The following GULP1 variants were observed in gnomAD, a reference collection of about 807,000 sequenced individuals.
GULP1 encodes PTB domain-containing engulfment adapter protein 1.
In GULP1, 19 loss-of-function variants were observed where a neutral mutation model predicts 40.9. The observed-to-expected ratio is 0.46, with a 90% CI of 0.32 to 0.68. The LOEUF is 0.68. Ranked by LOEUF, GULP1 falls within the 30% of genes least tolerant of loss-of-function variation. GULP1 has a pLI of 0.03. For synonymous variants in GULP1, 119 were observed against 117.6 expected (o/e 1.01, Z -0.08); for missense variants, 312 against 362.2 (o/e 0.86, Z 1.12).
chr2:188,352,649 C>CACACACACACAT (rs374718200), intron 1 of GULP1, among the ~76,000 whole-genome samples: 86 of 146,200 alleles, frequency 5.9e-4, no homozygotes, highest in African/African-American at 1.1e-3. Flanking sequence ...CACACACACA[C>CACACACACACAT]GGTTCTGTTT....
chr2:188,486,814 G>A (rs2061903239), intron 4 of GULP1, among the ~76,000 whole-genome samples: 1 of 151,812 alleles, frequency 6.6e-6, no homozygotes, highest in Admixed American at 6.6e-5. Context: ...ATATTATCCT[G>A]TGTACTCTGT....
chr2:188,415,777 C>G (rs1241790617), intron 2 of GULP1, among the ~76,000 whole-genome samples: 1 of 152,120 alleles, frequency 6.6e-6, no homozygotes, highest in Non-Finnish European at 1.5e-5. Flanking sequence ...AGTCCTGAAA[C>G]TGAGTGTTAG....
chr2:188,438,380 C>T (rs4494698), intron 2 of GULP1, among the ~76,000 whole-genome samples: 138,085 of 150,718 alleles, frequency 0.92, 63,379 homozygotes, highest in East Asian at 1. Flanking sequence ...ACATGTATAG[C>T]ATATATTATG....
At chr2:188,401,488 A>G (rs1201163539) in intron 2 of GULP1, among the ~76,000 whole-genome samples, 3 of 152,146 alleles carry the variant, frequency 2.0e-5, no homozygotes, top group Admixed American at 6.5e-5. Flanking sequence ...CAATTTTTAT[A>G]AGTTGTTAGC....
chr2:188,321,465 G>A (rs2039970664), intron 1 of GULP1, among the ~76,000 whole-genome samples: 1 of 152,068 alleles, frequency 6.6e-6, no homozygotes, highest in Admixed American at 6.6e-5. Flanking sequence ...CTGGGATTGA[G>A]TAGAAAACTA....
intron 7 of GULP1, among the ~76,000 whole-genome samples, chr2:188,544,067 C>A (rs995787950): frequency 5.3e-5 from 8 of 152,184 alleles, no homozygotes; most frequent in African/African-American, 1.9e-4. Flanking sequence ...TGCTGAGCTT[C>A]TATACTTACC....
At chr2:188,496,207 T>C (rs945593992) in intron 4 of GULP1, among the ~76,000 whole-genome samples, 4 of 152,022 alleles carry the variant, frequency 2.6e-5, no homozygotes, top group Non-Finnish European at 4.4e-5. Flanking sequence ...AAGTAAGCAA[T>C]GAAAGGGCTT....
At chr2:188,318,506 G>A (rs2039475095) in intron 1 of GULP1, among the ~76,000 whole-genome samples, 1 of 152,110 alleles carries the variant, frequency 6.6e-6, no homozygotes, top group Admixed American at 6.6e-5. Context: ...GAGGCAGAAG[G>A]TGGGACTCAA....
intron 1 of GULP1, among the ~76,000 whole-genome samples, chr2:188,375,011 C>T (rs2048117805): frequency 1.3e-5 from 2 of 152,096 alleles, no homozygotes; most frequent in Admixed American, 6.6e-5. Flanking sequence ...TGAAAATGTT[C>T]GATTGCTGAA....
At chr2:188,505,986 ACTT>A (rs1340103969) in intron 4 of GULP1, among the ~76,000 whole-genome samples, 1 of 151,858 alleles carries the variant, frequency 6.6e-6, no homozygotes, top group East Asian at 1.9e-4. Context: ...CAGTTACACT[ACTT>A]AACAGATATA....
chr2:188,350,546 G>A (rs1014123293), intron 1 of GULP1, among the ~76,000 whole-genome samples: 2 of 151,764 alleles, frequency 1.3e-5, no homozygotes, highest in African/African-American at 4.8e-5. Context: ...TACTGAACTC[G>A]TTTATTAGTT....
chr2:188,490,271 A>C (rs2062239305), intron 4 of GULP1, among the ~76,000 whole-genome samples: 1 of 152,280 alleles, frequency 6.6e-6, no homozygotes, highest in Admixed American at 6.5e-5. Context: ...TAGTAGCAAA[A>C]TTAGGTGTTG....
At chr2:188,588,206 G>T (rs373627274) in intron 11 of GULP1, 2 of 443,268 alleles carry the variant, frequency 4.5e-6, no homozygotes, top group Admixed American at 3.8e-5. Context: ...ATACAAAATG[G>T]CATGGATTCT....
intron 2 of GULP1, among the ~76,000 whole-genome samples, chr2:188,392,660 CTATT>C (rs929892475): frequency 3.3e-5 from 5 of 151,916 alleles, no homozygotes; most frequent in Non-Finnish European, 5.9e-5. Context: ...TCTTGTTTCT[CTATT>C]TCCTTGAGAT....
At chr2:188,368,933 A>ATG (rs1553534363) in intron 1 of GULP1, among the ~76,000 whole-genome samples, 15 of 43,336 alleles carry the variant, frequency 3.5e-4, no homozygotes, top group East Asian at 8.5e-4. Context: ...GTATATATAT[A>ATG]TGTGTGTATA....
intron 1 of GULP1, among the ~76,000 whole-genome samples, chr2:188,382,778 C>T (rs182687242): frequency 3.3e-5 from 5 of 152,142 alleles, no homozygotes; most frequent in East Asian, 1.9e-4. Flanking sequence ...CCCAGCTACT[C>T]GGGAGGCTGA....
intron 2 of GULP1, among the ~76,000 whole-genome samples, chr2:188,405,314 C>T (rs1262562224): frequency 6.6e-6 from 1 of 152,064 alleles, no homozygotes; most frequent in African/African-American, 2.4e-5. Flanking sequence ...CAGACTCAGA[C>T]ATCATGTCTT....
At chr2:188,504,245 A>T (rs911587508) in intron 4 of GULP1, among the ~76,000 whole-genome samples, 1 of 151,934 alleles carries the variant, frequency 6.6e-6, no homozygotes, top group African/African-American at 2.4e-5. Flanking sequence ...AACTGACACG[A>T]TGTCATGATT....
At chr2:188,423,768 TTAGA>T (rs1287602661) in intron 2 of GULP1, among the ~76,000 whole-genome samples, 8 of 152,014 alleles carry the variant, frequency 5.3e-5, no homozygotes, top group South Asian at 2.1e-4. Flanking sequence ...GCTTTTCAAA[TTAGA>T]TAGAATTGAA....
Sources: gnomAD v4.1 joint callset for allele counts (sites outside exome capture counted in the v4.1 genomes callset) on GRCh38, gnomAD v4.1.1 for gene constraint, MANE v1.5 for transcripts, NCBI Gene and HGNC (gene_info 2026-07-23, HGNC 2026-07-21) for gene names.